Variants in UTS2 observed in about 807,000 individuals in gnomAD.
UTS2 encodes the protein urotensin-2.
A neutral mutation model predicts 12.6 loss-of-function variants in UTS2; 10 were observed. The observed-to-expected ratio is 0.80, with a 90% confidence interval of 0.49 to 1.35. The LOEUF is 1.35. UTS2 is among the 40% of genes most tolerant of loss of function. The probability of loss-of-function intolerance (pLI) is 0.00; values close to 1 mark genes in which losing one functional copy is unlikely to be tolerated. For missense variants in UTS2, 142 were observed against 143.2 expected (o/e 0.99, Z 0.04); for synonymous variants, 52 against 50.0 (o/e 1.04, Z -0.17).
At chr1:7,853,809 A>G (rs1367014844), upstream of UTS2, among the ~76,000 whole-genome samples, 1 of 152,254 alleles carries the variant, frequency 6.6e-6, no homozygotes, top group Non-Finnish European at 1.5e-5. Flanking sequence ...GGTCCCCGAC[A>G]GGCGTCCTGA....
chr1:7,888,131 T>A, the UTS2 span, among the ~76,000 whole-genome samples: 2 of 152,242 alleles, frequency 1.3e-5, no homozygotes, highest in African/African-American at 4.8e-5. Flanking sequence ...AATCTCGGAT[T>A]GATTCATTTC....
At chr1:7,870,595 G>A in the UTS2 span, among the ~76,000 whole-genome samples, 7,909 of 152,230 alleles carry the variant, frequency 0.052, 635 homozygotes, top group African/African-American at 0.17. Flanking sequence ...TTTTTCAGGT[G>A]AGAAAACTTT....
Position 7,852,889 on chromosome 1 carries a change from A to G in UTS2, c.103+12T>C, listed in dbSNP as rs753857677. ...TTTCAAGACTAACATAAGGGGAAAA[A>G]AAAAATCTTACCTGAGAGTTGAAAG... On this transcript the variant is annotated intron_variant, in intron 1 of 3. Coordinates refer to ENST00000361696, the MANE Select transcript of UTS2 (RefSeq NM_006786.4). 3.1e-6 allele frequency: 5 copies of G among 1,600,104 alleles called. No homozygotes were observed. The highest frequency in any genetic ancestry group is 3.4e-6 in the Non-Finnish European group (4 of 1,175,780).
At chr1:7,855,797 G>T (rs1434136886), upstream of UTS2, among the ~76,000 whole-genome samples, 1 of 151,664 alleles carries the variant, frequency 6.6e-6, no homozygotes, top group Non-Finnish European at 1.5e-5. Context: ...GACCTCCCAG[G>T]CTCAAGCAAT....
the UTS2 span, among the ~76,000 whole-genome samples, chr1:7,896,044 A>G: frequency 6.6e-6 from 1 of 152,348 alleles, no homozygotes; most frequent in Admixed American, 6.5e-5. Context: ...AAGTAAAGGG[A>G]GCAAATGCCA....
At chr1:7,887,534 G>T in the UTS2 span, among the ~76,000 whole-genome samples, 1 of 148,044 alleles carries the variant, frequency 6.8e-6, no homozygotes, top group Non-Finnish European at 1.5e-5. Flanking sequence ...TGAGGCAGAT[G>T]GTTTACTTGA....
chr1:7,890,561 G>A, the UTS2 span, among the ~76,000 whole-genome samples: 26 of 151,996 alleles, frequency 1.7e-4, no homozygotes, highest in Non-Finnish European at 3.1e-4. Flanking sequence ...ATGCATTTAC[G>A]AAGATGTTAA....
chr1:7,909,524 A>G, the UTS2 span, among the ~76,000 whole-genome samples: 1 of 145,072 alleles, frequency 6.9e-6, no homozygotes, highest in Admixed American at 7.1e-5. Flanking sequence ...TCCAGCCTGG[A>G]TGACAGAGCA....
the UTS2 span, among the ~76,000 whole-genome samples, chr1:7,872,727 A>G: frequency 6.6e-6 from 1 of 152,226 alleles, no homozygotes; most frequent in Non-Finnish European, 1.5e-5. Context: ...TGCAAAATGA[A>G]GCAGTAAGGG....
the UTS2 span, among the ~76,000 whole-genome samples, chr1:7,896,993 T>C: frequency 7.1e-6 from 1 of 141,312 alleles, no homozygotes; most frequent in Non-Finnish European, 1.5e-5. Context: ...CCACTGTGCC[T>C]GGCTGAAAAA....
chr1:7,906,209 T>C, the UTS2 span, among the ~76,000 whole-genome samples: 1 of 152,034 alleles, frequency 6.6e-6, no homozygotes, highest in Non-Finnish European at 1.5e-5. Context: ...TCATGATAAG[T>C]GGAGTAAATT....
chr1:7,892,477 T>G, the UTS2 span, among the ~76,000 whole-genome samples: 2 of 141,054 alleles, frequency 1.4e-5, no homozygotes, highest in African/African-American at 5.3e-5. Context: ...ATGTTTTTTT[T>G]TTTTTTTTTT....
chr1:7,874,664 TC>T, the UTS2 span, among the ~76,000 whole-genome samples: 1 of 151,888 alleles, frequency 6.6e-6, no homozygotes, highest in Non-Finnish European at 1.5e-5. Flanking sequence ...ACCCCCACCA[TC>T]CCCCCAGCAG....
chr1:7,891,591 A>AGAAAGAAG, the UTS2 span, among the ~76,000 whole-genome samples: 1 of 151,330 alleles, frequency 6.6e-6, no homozygotes, highest in Non-Finnish European at 1.5e-5. Flanking sequence ...AAAGAAAGAA[A>AGAAAGAAG]GAAAGAAAAT....
At chr1:7,890,073 A>G in the UTS2 span, among the ~76,000 whole-genome samples, 1 of 151,748 alleles carries the variant, frequency 6.6e-6, no homozygotes. Flanking sequence ...TCTCAAAAAA[A>G]AAAGATTGTG....
At chr1:7,882,985 T>C in the UTS2 span, among the ~76,000 whole-genome samples, 1 of 152,282 alleles carries the variant, frequency 6.6e-6, no homozygotes, top group African/African-American at 2.4e-5. Context: ...GTGCAGCCAT[T>C]ATGGAAAACA....
At chr1:7,910,188 C>T in the UTS2 span, among the ~76,000 whole-genome samples, 2 of 152,066 alleles carry the variant, frequency 1.3e-5, no homozygotes, top group Non-Finnish European at 2.9e-5. Context: ...AAACATGAAT[C>T]CCCCTTCCCC....
chr1:7,869,095 G>T, the UTS2 span, among the ~76,000 whole-genome samples: 4 of 152,248 alleles, frequency 2.6e-5, no homozygotes, highest in Admixed American at 2.6e-4. Context: ...CACATGCCCA[G>T]TGTCTCTAGG....
At chr1:7,875,562 C>A in the UTS2 span, among the ~76,000 whole-genome samples, 6 of 152,248 alleles carry the variant, frequency 3.9e-5, no homozygotes, top group East Asian at 1.2e-3. Flanking sequence ...CCCATCACAG[C>A]TGTGTTCATG....
Sources: gnomAD v4.1 joint callset for allele counts (sites outside exome capture counted in the v4.1 genomes callset) on GRCh38, gnomAD v4.1.1 for gene constraint, MANE v1.5 for transcripts, NCBI Gene and HGNC (gene_info 2026-07-23, HGNC 2026-07-21) for gene names.